Variants in PPFIBP1 observed in about 807,000 individuals in gnomAD.
PPFIBP1 encodes the protein liprin-beta-1.
In PPFIBP1, 112 loss-of-function variants were observed where a neutral mutation model predicts 137.8. The observed-to-expected ratio is 0.81, with a 90% CI of 0.70 to 0.95. The LOEUF is 0.95. PPFIBP1 is among the 40% of genes least tolerant of loss of function. The probability of loss-of-function intolerance (pLI) is 0.00; values close to 1 mark genes in which losing one functional copy is unlikely to be tolerated. For synonymous variants in PPFIBP1, 378 were observed against 417.3 expected (o/e 0.91, Z 1.15); for missense variants, 1,083 against 1,196.6 (o/e 0.91, Z 1.40).
chr12:27,584,141 T>C (rs7966539), intron 2 of PPFIBP1: 64,151 of 152,086 alleles, frequency 0.42, 14,469 homozygotes, highest in Non-Finnish European at 0.52. Context: ...CTTTCACATA[T>C]GTTGTTGAAT....
intron 13 of PPFIBP1, among the ~76,000 whole-genome samples, chr12:27,669,147 G>A: frequency 6.6e-6 from 1 of 152,046 alleles, no homozygotes; most frequent in Admixed American, 6.5e-5. Context: ...TTTTATATCT[G>A]TTGCTGATAA....
At chr12:27,665,646 T>TTAA (rs1207534319) in intron 12 of PPFIBP1, among the ~76,000 whole-genome samples, 3 of 152,232 alleles carry the variant, frequency 2.0e-5, no homozygotes, top group African/African-American at 7.2e-5. Flanking sequence ...TGCTCTTGTT[T>TTAA]TTTAGCAATG....
At chr12:27,659,222 T>A (rs1174832030) in intron 10 of PPFIBP1, among the ~76,000 whole-genome samples, 1 of 152,194 alleles carries the variant, frequency 6.6e-6, no homozygotes, top group Non-Finnish European at 1.5e-5. Flanking sequence ...TTTTGAAATT[T>A]GCTTTTGCTT....
chr12:27,529,890 T>C (rs1307700166), intron 1 of PPFIBP1, among the ~76,000 whole-genome samples: 5 of 152,222 alleles, frequency 3.3e-5, no homozygotes, highest in Admixed American at 3.3e-4. Flanking sequence ...ACCTGTGTTT[T>C]CTTGTATTTC....
At chr12:27,581,481 A>T (rs1592613555) in intron 2 of PPFIBP1, among the ~76,000 whole-genome samples, 1 of 152,066 alleles carries the variant, frequency 6.6e-6, no homozygotes, top group African/African-American at 2.4e-5. Flanking sequence ...CTGTATCATC[A>T]CTCCACCCTG....
intron 22 of PPFIBP1, among the ~76,000 whole-genome samples, 158 bp downstream of exon 22, chr12:27,681,854 G>A (rs79773402): frequency 0.019 from 2,847 of 152,054 alleles, 90 homozygotes; most frequent in African/African-American, 0.065. Flanking sequence ...TCTTTTTTCT[G>A]GTGGTCTTGG....
In PPFIBP1 at chr12:27,559,700, T is replaced by A. The variant is rs547570225; in HGVS notation, c.-123-18452T>A. ...TTTACAATTGGATCATAAGGATACC[T>A]GTGGTATTTGAAAACCTAATTATAG... On this transcript the variant is annotated intron_variant, in intron 1 of 29. Coordinates refer to ENST00000228425, the MANE Select transcript of PPFIBP1 (RefSeq NM_003622.4). Among the ~76,000 whole-genome samples, 8 of 152,368 alleles carry A rather than the reference T, an allele frequency of 5.3e-5. No individual in the cohort carries two copies. In the East Asian group the frequency reaches 1.5e-3, roughly 29 times the overall value.
intron 1 of PPFIBP1, among the ~76,000 whole-genome samples, chr12:27,545,772 CAGA>C (rs982033238): frequency 1.3e-5 from 2 of 152,202 alleles, no homozygotes; most frequent in African/African-American, 4.8e-5. Context: ...GGACTAGGGA[CAGA>C]AGGCTTTCCT....
chr12:27,600,219 C>A (rs1321863712), intron 2 of PPFIBP1, among the ~76,000 whole-genome samples: 1 of 152,086 alleles, frequency 6.6e-6, no homozygotes, highest in East Asian at 1.9e-4. Context: ...ATGTGGATCA[C>A]CTGAGGTCAG....
chr12:27,666,909 A>G (rs2059892071), intron 12 of PPFIBP1, among the ~76,000 whole-genome samples: 1 of 152,220 alleles, frequency 6.6e-6, no homozygotes, highest in South Asian at 2.1e-4. Context: ...CAATCTGATG[A>G]GTCAATGTAT....
In PPFIBP1 at chr12:27,634,993, C is replaced by T. The variant is rs200244641; in HGVS notation, c.148C>T (p.His50Tyr). Reference protein sequence around the residue: ...SPFMGSLRALHLVEDLRGLLE... With the variant: ...SPFMGSLRALYLVEDLRGLLE... ...ATTCATGGGAAGTTTGCGAGCTCTG[C>T]ACCTTGTGGAAGACCTGCGTGGATT... is the stretch of plus-strand genomic sequence containing the variant. Residue 50 changes from histidine (H) to tyrosine (Y), a missense_variant, in exon 4 of 30, where the codon CAC becomes TAC. By Grantham distance (83) the His-to-Tyr change is moderately conservative (BLOSUM62 2). Coordinates refer to ENST00000228425, the MANE Select transcript of PPFIBP1 (RefSeq NM_003622.4). 6.2e-7 allele frequency: 1 copy of T among 1,614,104 alleles called. No individual in the cohort carries two copies. The highest frequency in any genetic ancestry group is 2.2e-5 in the East Asian group (1 of 44,880).
rs375816732 is a variant in PPFIBP1, at chr12:27,634,139, C to CTTT, written c.64+700_64+702dup. Among the ~76,000 whole-genome samples the CTTT allele has an allele frequency of 4.7e-3, 524 of 111,604 alleles. 11 individuals are homozygous for CTTT. The highest frequency in any genetic ancestry group is 0.017 in the African/African-American group (491 of 29,292). 73.2% of individuals were successfully genotyped at this position (111,604 alleles called of 152,430 possible). On this transcript the variant is annotated intron_variant, in intron 3 of 29. Coordinates refer to ENST00000228425, the MANE Select transcript of PPFIBP1 (RefSeq NM_003622.4). ...CGTGAGCCACCGTACCCGGCCATAT[C>CTTT]TTTTTTTTTTTTTTTTTTTTTTTAA...
intron 2 of PPFIBP1, among the ~76,000 whole-genome samples, chr12:27,588,255 T>G (rs1592663377): frequency 6.6e-6 from 1 of 152,208 alleles, no homozygotes; most frequent in Non-Finnish European, 1.5e-5. Context: ...TAACTAAGAA[T>G]GCACCTGTGG....
intron 11 of PPFIBP1, among the ~76,000 whole-genome samples, chr12:27,661,849 G>T: frequency 6.6e-6 from 1 of 151,252 alleles, no homozygotes. Flanking sequence ...GCTCTTTATT[G>T]CCTGGAAGTA....
Position 27,691,887 on chromosome 12 carries a change from A to T in PPFIBP1, c.2824A>T (p.Met942Leu). The change falls in exon 28 of 30, where the codon ATG (methionine) becomes TTG (leucine). Residue 942 changes from methionine (M) to leucine (L), a missense_variant. Physicochemically the swap from Met to Leu is conservative, Grantham distance 15 (BLOSUM62 2). Coordinates refer to ENST00000228425, the MANE Select transcript of PPFIBP1 (RefSeq NM_003622.4). Reference protein sequence around the residue: ...SKKGFKPGLDMRLYEEDDLDR... With the variant: ...SKKGFKPGLDLRLYEEDDLDR... ...GAAAGGATTTAAACCTGGTTTGGAT[A>T]TGCGCCTGTATGAGGAAGATGATTT... The T allele has an allele frequency of 2.5e-6, 4 of 1,613,850 alleles. No individual in the cohort carries two copies. Among genetic ancestry groups the T allele is most frequent in the Non-Finnish European group, 3.4e-6 (4 of 1,179,894 alleles).
chr12:27,610,684 T>C (rs1212073033), intron 2 of PPFIBP1, among the ~76,000 whole-genome samples: 3 of 152,214 alleles, frequency 2.0e-5, no homozygotes, highest in East Asian at 1.9e-4. Context: ...TATAAAACTA[T>C]CCATCAATCA....
intron 1 of PPFIBP1, among the ~76,000 whole-genome samples, chr12:27,576,342 G>A (rs1227957656): frequency 1.3e-5 from 2 of 152,132 alleles, no homozygotes; most frequent in African/African-American, 2.4e-5. Flanking sequence ...GGTGGGGATC[G>A]GGACAGGGCC....
intron 7 of PPFIBP1, 142 bp from the exon 8 acceptor site, chr12:27,654,580 T>C (rs1311246420): frequency 5.6e-6 from 6 of 1,068,304 alleles, no homozygotes; most frequent in Non-Finnish European, 7.5e-6. Context: ...GAGGTACATT[T>C]ATTTCCATTT....
chr12:27,578,391 CT>C (rs1481145884), intron 2 of PPFIBP1, among the ~76,000 whole-genome samples, 152 bp downstream of exon 2: 1 of 152,086 alleles, frequency 6.6e-6, no homozygotes, highest in Non-Finnish European at 1.5e-5. Context: ...TCTGCTCGCC[CT>C]TTTAAAACCT....
Sources: gnomAD v4.1 joint callset for allele counts (sites outside exome capture counted in the v4.1 genomes callset) on GRCh38, gnomAD v4.1.1 for gene constraint, MANE v1.5 for transcripts, NCBI Gene and HGNC (gene_info 2026-07-23, HGNC 2026-07-21) for gene names.